The following SLC22A24 variants were observed in gnomAD, a reference collection of about 807,000 sequenced individuals.
SLC22A24 encodes steroid transmembrane transporter SLC22A24.
SLC22A24 carries 53 observed loss-of-function variants against 49.8 expected under a neutral mutation model. The ratio of observed to expected loss-of-function variants is 1.06; its 90% confidence interval spans 0.85 to 1.34. SLC22A24 has a LOEUF of 1.34. SLC22A24 is among the 40% of genes most tolerant of loss of function. SLC22A24 has a pLI of 0.00. For missense variants in SLC22A24, 786 were observed against 675.9 expected (o/e 1.16, Z -1.81); for synonymous variants, 302 against 256.4 (o/e 1.18, Z -1.70).
chr11:63,095,902 C>A, intron 6 of SLC22A24, 89 bp downstream of exon 6: 1 of 951,054 alleles, frequency 1.1e-6, no homozygotes, highest in South Asian at 1.6e-5. Flanking sequence ...TATTAAATGT[C>A]CTCCAAATGC....
chr11:63,134,765 C>A lies in SLC22A24; in HGVS notation c.406G>T (p.Asp136Tyr). Residue 136 changes from aspartate to tyrosine, a missense_variant, in exon 2 of 10, where the codon GAC becomes TAC. By Grantham distance (160) the Asp-to-Tyr change is radical. Transcript: ENST00000612278. ...AGTGACTGAGATTCACATACCAGGTCCCACTGGAAGAGAAAGAAAGCAGTA... is the reference window on the plus strand; with the variant it reads ...AGTGACTGAGATTCACATACCAGGTACCACTGGAAGAGAAAGAAAGCAGTA... ...SFLSTIVTEW[D>Y]LVCESQSLKS... The A allele has an allele frequency of 6.4e-7, 1 of 1,570,856 alleles. No individual in the cohort carries two copies. The highest frequency in any genetic ancestry group is 8.7e-7 in the Non-Finnish European group (1 of 1,155,472).
intron 2 of SLC22A24, among the ~76,000 whole-genome samples, chr11:63,123,323 G>A (rs1192390227): frequency 1.3e-5 from 2 of 152,184 alleles, no homozygotes; most frequent in South Asian, 2.1e-4. Flanking sequence ...CAGTCACAGT[G>A]ATGTAAAATG....
At chr11:63,137,562 G>C (rs1444586994) in intron 1 of SLC22A24, among the ~76,000 whole-genome samples, 2 of 152,146 alleles carry the variant, frequency 1.3e-5, no homozygotes, top group East Asian at 1.9e-4. Flanking sequence ...AAGGCAACAG[G>C]GACCAACAGG....
intron 1 of SLC22A24, among the ~76,000 whole-genome samples, chr11:63,136,986 GT>G (rs1262459318): frequency 2.6e-5 from 4 of 152,192 alleles, no homozygotes; most frequent in Admixed American, 2.6e-4. Context: ...GTCTGCATTG[GT>G]GAGTATCCTA....
At chr11:63,103,988 C>T (rs12283166) in intron 5 of SLC22A24, 187 bp downstream of exon 5, 264,963 of 512,362 alleles carry the variant, frequency 0.52, 69,452 homozygotes, top group East Asian at 0.58. Flanking sequence ...ATCCACTTCT[C>T]CCAGTATATT....
At chr11:63,111,190 G>A (rs1238111609) in intron 4 of SLC22A24, among the ~76,000 whole-genome samples, 1 of 151,858 alleles carries the variant, frequency 6.6e-6, no homozygotes, top group Non-Finnish European at 1.5e-5. Flanking sequence ...TGCATCCCAG[G>A]GATGAAGCCC....
intron 2 of SLC22A24, among the ~76,000 whole-genome samples, chr11:63,129,408 G>A (rs553187471): frequency 2.4e-4 from 37 of 152,270 alleles, no homozygotes; most frequent in African/African-American, 4.8e-4. Context: ...GTCAGGTAGC[G>A]TGTTGCCTCC....
intron 5 of SLC22A24, among the ~76,000 whole-genome samples, chr11:63,098,002 G>A (rs2087066341): frequency 6.6e-6 from 1 of 151,894 alleles, no homozygotes; most frequent in Admixed American, 6.6e-5. Flanking sequence ...TGGGTTGATG[G>A]GTGCAGCAAA....
intron 2 of SLC22A24, among the ~76,000 whole-genome samples, chr11:63,133,129 G>A (rs559390930): frequency 3.9e-5 from 6 of 152,310 alleles, no homozygotes; most frequent in Non-Finnish European, 8.8e-5. Flanking sequence ...CCAGGCATGC[G>A]AGGGAATCTC....
At chr11:63,138,245 A>G (rs1331656304) in intron 1 of SLC22A24, among the ~76,000 whole-genome samples, 1 of 152,076 alleles carries the variant, frequency 6.6e-6, no homozygotes, top group Non-Finnish European at 1.5e-5. Flanking sequence ...CCATGCAGGG[A>G]TTCTTTCTTT....
chr11:63,111,185 C>T (rs1308623476), intron 4 of SLC22A24, among the ~76,000 whole-genome samples: 1 of 151,886 alleles, frequency 6.6e-6, no homozygotes, highest in African/African-American at 2.4e-5. Context: ...AGCCTTGCAT[C>T]CCAGGGATGA....
intron 6 of SLC22A24, 123 bp downstream of exon 6, chr11:63,095,868 T>C: frequency 2.8e-6 from 2 of 704,904 alleles, no homozygotes; most frequent in Non-Finnish European, 4.8e-6. Context: ...CATACATTTG[T>C]ATGTGATTTT....
chr11:63,090,333 C>G (rs1183653515), intron 6 of SLC22A24, among the ~76,000 whole-genome samples: 2 of 151,978 alleles, frequency 1.3e-5, no homozygotes, highest in Admixed American at 6.6e-5. Flanking sequence ...GTATTCAGGA[C>G]TTGAACTCAG....
intron 2 of SLC22A24, among the ~76,000 whole-genome samples, chr11:63,123,535 A>C (rs1453131441): frequency 6.6e-6 from 1 of 152,232 alleles, no homozygotes; most frequent in African/African-American, 2.4e-5. Flanking sequence ...TGTCTACCTG[A>C]AACTCCATAT....
chr11:63,122,182 A>G (rs1398676243), intron 2 of SLC22A24, among the ~76,000 whole-genome samples: 2 of 152,178 alleles, frequency 1.3e-5, no homozygotes, highest in African/African-American at 2.4e-5. Flanking sequence ...TTGTAATTCA[A>G]TGTAGTTACC....
chr11:63,092,357 C>T (rs182186744), intron 6 of SLC22A24, among the ~76,000 whole-genome samples: 2 of 146,340 alleles, frequency 1.4e-5, no homozygotes, highest in African/African-American at 5.0e-5. Context: ...ATGCTATTCC[C>T]ATGAAGCTAC....
intron 6 of SLC22A24, 139 bp from the exon 7 acceptor site, chr11:63,083,596 AG>A (rs1042204824): frequency 4.0e-5 from 26 of 656,716 alleles, no homozygotes; most frequent in Non-Finnish European, 6.2e-5. Flanking sequence ...CTTTTAAAAA[AG>A]GGATCATTCT....
intron 7 of SLC22A24, 129 bp downstream of exon 7, chr11:63,083,114 A>T (rs1409892462): frequency 2.7e-6 from 2 of 734,408 alleles, no homozygotes; most frequent in African/African-American, 3.6e-5. Flanking sequence ...AAACCCTCAT[A>T]TTAACTTCAG....
intron 4 of SLC22A24, among the ~76,000 whole-genome samples, chr11:63,113,445 C>T (rs1428969903): frequency 1.3e-5 from 2 of 151,648 alleles, no homozygotes; most frequent in South Asian, 2.1e-4. Flanking sequence ...GTAAGGCAGG[C>T]CCATTGGTGG....
Sources: gnomAD v4.1 joint callset for allele counts (sites outside exome capture counted in the v4.1 genomes callset) on GRCh38, gnomAD v4.1.1 for gene constraint, MANE v1.5 for transcripts, NCBI Gene and HGNC (gene_info 2026-07-23, HGNC 2026-07-21) for gene names.